Variants in KSR1 observed in about 807,000 individuals in gnomAD.
KSR1 encodes kinase suppressor of ras.
Under a neutral mutation model 92.9 loss-of-function variants are expected in KSR1, and 35 were observed. The observed-to-expected ratio is 0.38, with a 90% confidence interval of 0.29 to 0.50. The LOEUF (loss-of-function observed/expected upper bound fraction) is 0.50, where lower values mean the gene tolerates loss of function less well. Among genes scored for constraint, KSR1 ranks in the 20% least tolerant of loss-of-function variants. The pLI, the probability that KSR1 is intolerant of heterozygous loss-of-function variation, is 0.94. For synonymous variants in KSR1, 467 were observed against 472.6 expected (o/e 0.99, Z 0.15); for missense variants, 972 against 1,158.5 (o/e 0.84, Z 2.34).
intron 20 of KSR1, among the ~76,000 whole-genome samples, chr17:27,621,543 A>G (rs908127055): frequency 1.5e-4 from 23 of 152,164 alleles, no homozygotes; most frequent in African/African-American, 5.3e-4. Context: ...GTCGGAGAAA[A>G]TTCTGGTCAT....
intron 1 of KSR1, among the ~76,000 whole-genome samples, chr17:27,545,025 G>A (rs892686470): frequency 2.0e-5 from 3 of 152,192 alleles, no homozygotes; most frequent in African/African-American, 7.2e-5. Flanking sequence ...GATAGCAGCT[G>A]CCAGGACACC....
chr17:27,539,131 C>T (rs541087519), intron 1 of KSR1, among the ~76,000 whole-genome samples: 2 of 152,294 alleles, frequency 1.3e-5, no homozygotes, highest in South Asian at 4.1e-4. Flanking sequence ...TCACTAGGCC[C>T]CTGCTTGGTA....
At chr17:27,549,410 C>T (rs540567718) in intron 1 of KSR1, among the ~76,000 whole-genome samples, 3 of 152,316 alleles carry the variant, frequency 2.0e-5, no homozygotes, top group South Asian at 2.1e-4. Flanking sequence ...GTTGGGAATG[C>T]GAGTCCCTTA....
At chr17:27,572,367 C>T (rs2072343670) in intron 2 of KSR1, among the ~76,000 whole-genome samples, 1 of 152,202 alleles carries the variant, frequency 6.6e-6, no homozygotes, top group Admixed American at 6.5e-5. Context: ...GATTGGGCAT[C>T]TCCTATGATG....
chr17:27,613,413 T>C (rs2073974105), intron 18 of KSR1, among the ~76,000 whole-genome samples: 1 of 152,068 alleles, frequency 6.6e-6, no homozygotes. Context: ...AAGAAACCTC[T>C]CAGCAAAAAA....
chr17:27,550,228 C>G (rs1021668453), intron 1 of KSR1, among the ~76,000 whole-genome samples: 1 of 152,186 alleles, frequency 6.6e-6, no homozygotes, highest in Non-Finnish European at 1.5e-5. Flanking sequence ...CTGGTAGAGA[C>G]AGGGTTTTGC....
At chr17:27,502,151 T>C (rs765418486) in intron 1 of KSR1, among the ~76,000 whole-genome samples, 1 of 152,204 alleles carries the variant, frequency 6.6e-6, no homozygotes, top group Non-Finnish European at 1.5e-5. Flanking sequence ...GCCTTTCAGC[T>C]AGGAAATGGC....
chr17:27,582,478 G>T (rs770616306), intron 3 of KSR1, among the ~76,000 whole-genome samples, 168 bp from the exon 4 acceptor site: 1 of 152,132 alleles, frequency 6.6e-6, no homozygotes, highest in Admixed American at 6.6e-5. Flanking sequence ...TAATGTGTGC[G>T]CATGAGTGAG....
rs115063911 is a variant in KSR1, at chr17:27,601,743, A to C, written c.1510+342A>C. The C allele has an allele frequency of 4.6e-4, 294 of 638,180 alleles. 3 individuals carry two copies. In the African/African-American group the frequency reaches 5.1e-3, roughly 11 times the overall value. The allele number at this position is 638,180 out of a possible 1,614,324, so 39.5% of individuals were successfully genotyped here. The stretch of plus-strand genomic sequence containing the variant: ...TAGAATGGGGAGAGGACTTTTTGCT[A>C]ATGCCTTATGAGCATATGTCACCGT... On this transcript the variant is annotated intron_variant, in intron 11 of 20. Transcript: ENST00000644974.
At chr17:27,583,660 A>G (rs1351846664) in intron 4 of KSR1, among the ~76,000 whole-genome samples, 3 of 152,238 alleles carry the variant, frequency 2.0e-5, no homozygotes, top group Non-Finnish European at 4.4e-5. Flanking sequence ...GGCAGAAACC[A>G]CTAGTGACTG....
chr17:27,552,691 T>G (rs2071438603), intron 2 of KSR1, among the ~76,000 whole-genome samples: 2 of 152,184 alleles, frequency 1.3e-5, no homozygotes, highest in Non-Finnish European at 2.9e-5. Flanking sequence ...CACTCCCCTC[T>G]TCCCATGCCA....
At chr17:27,541,151 A>G (rs1450139148) in intron 1 of KSR1, among the ~76,000 whole-genome samples, 1 of 152,210 alleles carries the variant, frequency 6.6e-6, no homozygotes. Context: ...TGTGGGCACC[A>G]CGTAAGAGTC....
At chr17:27,531,796 A>C (rs765942044) in intron 1 of KSR1, among the ~76,000 whole-genome samples, 98 of 152,160 alleles carry the variant, frequency 6.4e-4, no homozygotes, top group Non-Finnish European at 1.2e-3. Context: ...CAGTTACTTT[A>C]TCTCTCTTTC....
At chr17:27,608,079 C>T in intron 15 of KSR1, 69 bp downstream of exon 15, 2 of 1,075,012 alleles carry the variant, frequency 1.9e-6, no homozygotes, top group Non-Finnish European at 2.8e-6. Context: ...GTTCCTCTCG[C>T]CCTGTTACTC....
intron 1 of KSR1, among the ~76,000 whole-genome samples, chr17:27,515,061 G>A (rs1281177424): frequency 2.0e-5 from 3 of 152,134 alleles, no homozygotes; most frequent in African/African-American, 7.2e-5. Context: ...GGTTAAGGAA[G>A]GAAAAGGAGG....
chr17:27,577,865 T>C lies in KSR1; in HGVS notation c.520+226T>C, dbSNP rs1373868134. 6 of 673,390 alleles carry C rather than the reference T, an allele frequency of 8.9e-6. No individual in the cohort carries two copies. The highest frequency in any genetic ancestry group is 1.6e-5 in the South Asian group (1 of 63,436). 41.7% of individuals were successfully genotyped at this position (673,390 alleles called of 1,614,324 possible). ...GGCCGAATCTGAGGGGTTTCAGCCA[T>C]GGTTAGAAATCCCAGGCCTGTCTGC... On this transcript the variant is annotated intron_variant, in intron 3 of 20. Transcript: ENST00000644974. The surrounding 1 kb of genome is among the most constrained non-coding windows in gnomAD (Gnocchi z 4.5).
At chr17:27,622,226 T>G (rs980645424) in intron 20 of KSR1, 3 of 491,880 alleles carry the variant, frequency 6.1e-6, no homozygotes, top group African/African-American at 2.0e-5. Flanking sequence ...TGGACATGAC[T>G]GATTGCTCCC....
chr17:27,575,572 T>C (rs919351265), intron 2 of KSR1, among the ~76,000 whole-genome samples: 4 of 152,198 alleles, frequency 2.6e-5, no homozygotes, highest in African/African-American at 9.7e-5. Flanking sequence ...TCTCTCACCC[T>C]ATGATTAAGA....
At chr17:27,592,245 G>A (rs2073190505) in intron 7 of KSR1, 116 bp from the exon 8 acceptor site, 1 of 777,164 alleles carries the variant, frequency 1.3e-6, no homozygotes, top group Admixed American at 2.2e-5. Flanking sequence ...GCTAACATTT[G>A]TTGAGAAGTG....
Sources: allele counts gnomAD v4.1 joint callset (sites outside exome capture counted in the v4.1 genomes callset), GRCh38; gene constraint gnomAD v4.1.1; non-coding constraint Gnocchi (gnomAD v3.1); transcripts MANE v1.5; gene names NCBI Gene and HGNC (gene_info 2026-07-23, HGNC 2026-07-21).